Variants in COL23A1 observed in about 807,000 individuals in gnomAD.
The protein encoded by COL23A1 is collagen alpha-1(XXIII) chain.
COL23A1 carries 97 observed loss-of-function variants against 99.3 expected under a neutral mutation model. The ratio of observed to expected loss-of-function variants is 0.98; its 90% CI spans 0.83 to 1.16. The LOEUF (loss-of-function observed/expected upper bound fraction) is 1.16. Among genes scored for constraint, COL23A1 ranks in the 50% most tolerant of loss-of-function variants. The pLI is 0.00. For synonymous variants in COL23A1, 320 were observed against 308.2 expected, an observed-to-expected ratio of 1.04 and a Z score of -0.40; for missense variants, 762 against 757.4, an observed-to-expected ratio of 1.01 and a Z score of -0.07.
At chr5:178,553,119 G>A (rs1251214737) in intron 2 of COL23A1, among the ~76,000 whole-genome samples, 4 of 149,332 alleles carry the variant, frequency 2.7e-5, no homozygotes, top group African/African-American at 9.9e-5. Flanking sequence ...GCAGTGAACC[G>A]TGACTGCACC....
At chr5:178,347,162 T>C (rs902396374) in intron 2 of COL23A1, among the ~76,000 whole-genome samples, 6 of 152,238 alleles carry the variant, frequency 3.9e-5, no homozygotes, top group African/African-American at 1.4e-4. Context: ...TCTGCAAGGA[T>C]GGAAACGTCC....
At chr5:178,570,923 C>T (rs1440870152) in intron 1 of COL23A1, among the ~76,000 whole-genome samples, 1 of 151,980 alleles carries the variant, frequency 6.6e-6, no homozygotes, top group African/African-American at 2.4e-5. Context: ...CCTAATCAGC[C>T]CCTGCAGGCA....
intron 2 of COL23A1, among the ~76,000 whole-genome samples, chr5:178,425,118 C>T (rs776135222): frequency 2.9e-4 from 44 of 152,312 alleles, no homozygotes; most frequent in Non-Finnish European, 5.1e-4. Context: ...CCTGTAAAAT[C>T]CAAAGCAAAG....
chr5:178,297,018 C>CTTCCTGCA (rs1188662875), intron 3 of COL23A1, among the ~76,000 whole-genome samples: 5 of 152,264 alleles, frequency 3.3e-5, no homozygotes, highest in African/African-American at 1.2e-4. Flanking sequence ...ATCCCAACTC[C>CTTCCTGCA]TGGCCCAGCC....
At chr5:178,426,715 C>A (rs2127808652) in intron 2 of COL23A1, among the ~76,000 whole-genome samples, 1 of 152,334 alleles carries the variant, frequency 6.6e-6, no homozygotes, top group Middle Eastern at 3.4e-3. Context: ...TTGCAAAAGG[C>A]ACATCTGATA....
chr5:178,583,792 G>A (rs900258350), intron 1 of COL23A1, among the ~76,000 whole-genome samples: 1 of 152,142 alleles, frequency 6.6e-6, no homozygotes, highest in Non-Finnish European at 1.5e-5. Context: ...CAGGCACCTT[G>A]AGCCGGGCCT....
intron 2 of COL23A1, among the ~76,000 whole-genome samples, chr5:178,408,041 C>G (rs1348306913): frequency 2.0e-5 from 3 of 152,202 alleles, no homozygotes; most frequent in Non-Finnish European, 4.4e-5. Flanking sequence ...AGAAATATCA[C>G]AGTCAACTTC....
intron 2 of COL23A1, among the ~76,000 whole-genome samples, chr5:178,483,413 G>A (rs149516581): frequency 6.6e-6 from 1 of 152,186 alleles, no homozygotes; most frequent in East Asian, 1.9e-4. Flanking sequence ...AAAGACCTCC[G>A]GGAATCCACT....
At chr5:178,481,676 A>T (rs1203942416) in intron 2 of COL23A1, among the ~76,000 whole-genome samples, 1 of 152,096 alleles carries the variant, frequency 6.6e-6, no homozygotes. Context: ...ACAAGATACC[A>T]CTTCATACCC....
At chr5:178,464,855 G>A (rs150417068) in intron 2 of COL23A1, among the ~76,000 whole-genome samples, 32 of 152,310 alleles carry the variant, frequency 2.1e-4, no homozygotes, top group African/African-American at 7.2e-4. Flanking sequence ...AGGAAGCAGC[G>A]CTTAGAGAGG....
chr5:178,246,702 T>C (rs1259142720), intron 22 of COL23A1, among the ~76,000 whole-genome samples: 1 of 130,772 alleles, frequency 7.6e-6, no homozygotes, highest in Non-Finnish European at 1.6e-5. Flanking sequence ...ATTCCAAAGA[T>C]GAGGAAAGCA....
chr5:178,512,566 A>G (rs1464682926), intron 2 of COL23A1, among the ~76,000 whole-genome samples: 1 of 152,234 alleles, frequency 6.6e-6, no homozygotes, highest in Non-Finnish European at 1.5e-5. Context: ...ACTGTGTGCC[A>G]GGATGTCAGC....
chr5:178,337,003 G>A (rs1438835944), intron 2 of COL23A1, among the ~76,000 whole-genome samples: 5 of 152,124 alleles, frequency 3.3e-5, no homozygotes, highest in African/African-American at 4.8e-5. Flanking sequence ...CGGAGCCAGC[G>A]AGCTGCTCAG....
At chr5:178,561,055 G>C (rs1357945433) in intron 1 of COL23A1, among the ~76,000 whole-genome samples, 5 of 152,184 alleles carry the variant, frequency 3.3e-5, no homozygotes, top group African/African-American at 1.2e-4. Context: ...CAAGTCAAAA[G>C]CCACAGCGAC....
intron 2 of COL23A1, among the ~76,000 whole-genome samples, chr5:178,392,090 T>C (rs1449868887): frequency 6.6e-6 from 1 of 151,124 alleles, no homozygotes; most frequent in Non-Finnish European, 1.5e-5. Flanking sequence ...GGGGAAATGA[T>C]GGGTGGCTAG....
In COL23A1 at chr5:178,280,500, G is replaced by A. The variant is rs971114584; in HGVS notation, c.441+7824C>T. ...GTCTCCACTGCATGGGCTGGACATC[G>A]TGCCAGCCCTGGGTCCTGGTCGGGG... is the stretch of plus-strand genomic sequence containing the variant. On this transcript the variant is annotated intron_variant, in intron 5 of 28. Coordinates refer to ENST00000390654, the MANE Select transcript of COL23A1 (RefSeq NM_173465.4). The surrounding 1 kb of genome is among the most constrained non-coding windows in gnomAD (Gnocchi z 4.9). 1.3e-5 allele frequency among the ~76,000 whole-genome samples: 2 copies of A among 152,066 alleles called. No individual in the cohort carries two copies. The highest frequency in any genetic ancestry group is 2.1e-4 in the South Asian group (1 of 4,826).
intron 2 of COL23A1, among the ~76,000 whole-genome samples, chr5:178,338,429 G>A (rs1057373868): frequency 6.6e-6 from 1 of 152,184 alleles, no homozygotes; most frequent in African/African-American, 2.4e-5. Flanking sequence ...CTGCCTTCCC[G>A]CAAAGAGCAT....
intron 2 of COL23A1, among the ~76,000 whole-genome samples, chr5:178,388,456 C>T (rs1763789624): frequency 6.6e-6 from 1 of 152,216 alleles, no homozygotes; most frequent in African/African-American, 2.4e-5. Flanking sequence ...AAGTGACTTA[C>T]ATTTACTTAA....
chr5:178,254,096 G>A (rs1373423002), intron 16 of COL23A1, among the ~76,000 whole-genome samples: 1 of 151,930 alleles, frequency 6.6e-6, no homozygotes, highest in African/African-American at 2.4e-5. Flanking sequence ...CCTGGGAGGA[G>A]GAGGTTGCAG....
Sources: allele counts gnomAD v4.1 joint callset (sites outside exome capture counted in the v4.1 genomes callset), GRCh38; gene constraint gnomAD v4.1.1; non-coding constraint Gnocchi (gnomAD v3.1); transcripts MANE v1.5; gene names NCBI Gene and HGNC (gene_info 2026-07-23, HGNC 2026-07-21).